The following PDE4D variants were observed in gnomAD, a reference collection of about 807,000 sequenced individuals.
PDE4D encodes phosphodiesterase 4D.
PDE4D carries 24 observed loss-of-function variants against 87.4 expected under a neutral mutation model. That is an observed-to-expected ratio of 0.27 (90% confidence interval 0.20 to 0.39). PDE4D has a LOEUF of 0.39. Ranked by LOEUF, PDE4D falls within the 10% of genes least tolerant of loss-of-function variation. PDE4D has a pLI of 1.00. For synonymous variants in PDE4D, 384 were observed against 383.2 expected (o/e 1.00, Z -0.02); for missense variants, 714 against 1,041.0 (o/e 0.69, Z 4.32).
intron 2 of PDE4D, among the ~76,000 whole-genome samples, chr5:60,058,957 C>T (rs185508945): frequency 1.4e-3 from 210 of 151,216 alleles, no homozygotes; most frequent in Middle Eastern, 3.4e-3. Context: ...AAATGATATC[C>T]ATACCATTCT....
At chr5:60,216,839 T>C (rs1240261903) in intron 1 of PDE4D, among the ~76,000 whole-genome samples, 1 of 152,024 alleles carries the variant, frequency 6.6e-6, no homozygotes, top group Non-Finnish European at 1.5e-5. Context: ...TCTATAATAA[T>C]AGTTGGATAC....
intron 2 of PDE4D, among the ~76,000 whole-genome samples, chr5:59,200,677 ACG>A (rs1250337494): frequency 0.018 from 2,065 of 116,620 alleles, 446 homozygotes; most frequent in African/African-American, 0.064. Context: ...GTATAGATAC[ACG>A]TATACATACA....
intron 1 of PDE4D, among the ~76,000 whole-genome samples, chr5:60,496,168 G>T (rs768290615): frequency 1.8e-4 from 27 of 152,160 alleles, no homozygotes; most frequent in Non-Finnish European, 3.8e-4. Context: ...CCATAAATGG[G>T]ATGGCCGTTC....
chr5:59,087,325 A>C (rs1286673898), intron 5 of PDE4D, among the ~76,000 whole-genome samples: 1 of 151,988 alleles, frequency 6.6e-6, no homozygotes, highest in Admixed American at 6.6e-5. Flanking sequence ...TCTCTACAAA[A>C]ATTTTTAAAA....
chr5:59,094,910 C>A (rs1367650381), intron 5 of PDE4D, among the ~76,000 whole-genome samples: 1 of 151,988 alleles, frequency 6.6e-6, no homozygotes, highest in Admixed American at 6.6e-5. Flanking sequence ...GACTCTGGAG[C>A]TCCTGAGACT....
intron 1 of PDE4D, among the ~76,000 whole-genome samples, chr5:59,477,486 G>A (rs1264819908): frequency 1.3e-5 from 2 of 151,782 alleles, no homozygotes; most frequent in Admixed American, 6.6e-5. Flanking sequence ...CTAGGTTCAG[G>A]TAAGAAACTC....
At chr5:59,104,739 G>GA (rs1771315010) in intron 5 of PDE4D, among the ~76,000 whole-genome samples, 1 of 151,948 alleles carries the variant, frequency 6.6e-6, no homozygotes, top group Admixed American at 6.6e-5. Flanking sequence ...AAGGAGAGAG[G>GA]AAAAGAAAGA....
intron 2 of PDE4D, among the ~76,000 whole-genome samples, chr5:60,074,348 T>A (rs543134244): frequency 6.6e-6 from 1 of 152,340 alleles, no homozygotes; most frequent in South Asian, 2.1e-4. Flanking sequence ...AGCAATTTTC[T>A]TAGTCTTGAT....
intron 1 of PDE4D, among the ~76,000 whole-genome samples, chr5:60,475,505 A>C (rs1032966822): frequency 2.0e-5 from 3 of 152,170 alleles, no homozygotes; most frequent in African/African-American, 7.2e-5. Flanking sequence ...TATGACGAAA[A>C]TGGCTTTCCA....
intron 1 of PDE4D, among the ~76,000 whole-genome samples, chr5:59,315,481 G>A (rs1247444334): frequency 6.6e-6 from 1 of 152,060 alleles, no homozygotes; most frequent in East Asian, 1.9e-4. Flanking sequence ...GAATATGTTA[G>A]GGTAGGTAGA....
chr5:59,043,327 TC>T (rs1302616859), intron 5 of PDE4D, among the ~76,000 whole-genome samples: 13 of 152,238 alleles, frequency 8.5e-5, no homozygotes, highest in Admixed American at 3.3e-4. Context: ...ATCAAGACCA[TC>T]CTGGCTAACA....
intron 1 of PDE4D, among the ~76,000 whole-genome samples, chr5:59,705,610 G>A (rs1460618776): frequency 6.6e-6 from 1 of 152,058 alleles, no homozygotes; most frequent in Non-Finnish European, 1.5e-5. Context: ...AAAATTAGAT[G>A]CTTTTAGCAC....
intron 1 of PDE4D, among the ~76,000 whole-genome samples, chr5:60,399,973 T>C (rs1299703923): frequency 1.3e-5 from 2 of 152,204 alleles, no homozygotes; most frequent in Non-Finnish European, 2.9e-5. Context: ...ATATATGATA[T>C]AAAAGGACAC....
chr5:59,485,934 T>A (rs932120531), intron 1 of PDE4D, among the ~76,000 whole-genome samples: 2 of 152,260 alleles, frequency 1.3e-5, no homozygotes, highest in Non-Finnish European at 1.5e-5. Context: ...GAGTTTGCTA[T>A]CTAAATACCA....
intron 1 of PDE4D, among the ~76,000 whole-genome samples, chr5:59,471,449 AAG>A (rs1418947345): frequency 9.2e-5 from 14 of 152,378 alleles, no homozygotes; most frequent in African/African-American, 2.9e-4. Context: ...AGCTTGAGGA[AAG>A]AAGACTATGA....
chr5:59,562,823 AC>A (rs1820257943), intron 1 of PDE4D, among the ~76,000 whole-genome samples: 1 of 151,822 alleles, frequency 6.6e-6, no homozygotes. Flanking sequence ...TTAGAAAGAA[AC>A]CCTATTTCTC....
intron 5 of PDE4D, among the ~76,000 whole-genome samples, chr5:59,046,209 A>G (rs890063850): frequency 2.7e-5 from 4 of 150,470 alleles, no homozygotes; most frequent in Non-Finnish European, 5.9e-5. Context: ...GGGTGGAACT[A>G]ATCTGTGCCT....
intron 1 of PDE4D, among the ~76,000 whole-genome samples, chr5:59,825,091 G>C (rs1263197909): frequency 6.6e-6 from 1 of 152,100 alleles, no homozygotes; most frequent in African/African-American, 2.4e-5. Flanking sequence ...TGGTCTCTGC[G>C]TGTCAATTGG....
intron 2 of PDE4D, among the ~76,000 whole-genome samples, chr5:60,072,619 C>T (rs1038533385): frequency 5.9e-5 from 9 of 152,032 alleles, no homozygotes; most frequent in Non-Finnish European, 1.3e-4. Context: ...AGGTTGTCTT[C>T]CAGAGCTTTT....
Sources: gnomAD v4.1 joint callset for allele counts (sites outside exome capture counted in the v4.1 genomes callset) on GRCh38, gnomAD v4.1.1 for gene constraint, MANE v1.5 for transcripts, NCBI Gene and HGNC (gene_info 2026-07-23, HGNC 2026-07-21) for gene names.